The following UNC5C variants were observed in gnomAD, a reference collection of about 807,000 sequenced individuals.
UNC5C encodes the protein unc-5 netrin receptor C, also known as netrin receptor UNC5C.
In UNC5C, 47 loss-of-function variants were observed where a neutral mutation model predicts 99.8. The ratio of observed to expected loss-of-function variants is 0.47; its 90% CI spans 0.37 to 0.60. The LOEUF (loss-of-function observed/expected upper bound fraction) is 0.60. Ranked by LOEUF, UNC5C falls within the 20% of genes least tolerant of loss-of-function variation. The probability of loss-of-function intolerance (pLI) is 0.00; values close to 1 mark genes in which losing one functional copy is unlikely to be tolerated. For synonymous variants in UNC5C, 487 were observed against 452.2 expected, an observed-to-expected ratio of 1.08 and a Z score of -0.98; for missense variants, 1,062 against 1,165.9, an observed-to-expected ratio of 0.91 and a Z score of 1.30.
At chr4:95,502,685 T>G (rs1238442201) in intron 1 of UNC5C, among the ~76,000 whole-genome samples, 4 of 152,178 alleles carry the variant, frequency 2.6e-5, no homozygotes, top group Non-Finnish European at 5.9e-5. Flanking sequence ...AAGCACTCAG[T>G]ACATGTCAGT....
intron 1 of UNC5C, among the ~76,000 whole-genome samples, chr4:95,438,535 A>T (rs1252120427): frequency 6.6e-6 from 1 of 152,156 alleles, no homozygotes; most frequent in African/African-American, 2.4e-5. Context: ...TTTGGTTTGC[A>T]AAAAATGTTT....
At chr4:95,488,626 C>G (rs1721392682) in intron 1 of UNC5C, among the ~76,000 whole-genome samples, 1 of 151,722 alleles carries the variant, frequency 6.6e-6, no homozygotes, top group African/African-American at 2.4e-5. Flanking sequence ...CAAATTCTAC[C>G]ATTAACAACA....
intron 4 of UNC5C, among the ~76,000 whole-genome samples, chr4:95,253,236 C>T (rs889861839): frequency 5.9e-5 from 9 of 152,084 alleles, no homozygotes; most frequent in East Asian, 1.9e-4. Context: ...TTCAAAACTA[C>T]GGTTCCTCCT....
At position 95,487,142 on chromosome 4, in the gene UNC5C, G is replaced by A. The variant is rs182518411; in HGVS notation, c.124+61592C>T. Among the ~76,000 whole-genome samples the A allele has an allele frequency of 9.9e-5, 15 of 151,770 alleles. No homozygotes were observed. In the East Asian group the frequency reaches 2.9e-3, roughly 30 times the overall value. ...GTTCACTATAAATTACCCATTCTGTGGTATTCTGTTATAGCAGCAGAGACT... is the reference window on the plus strand; with the variant it reads ...GTTCACTATAAATTACCCATTCTGTAGTATTCTGTTATAGCAGCAGAGACT... On this transcript the variant is annotated intron_variant, in intron 1 of 15. Transcript: ENST00000453304.
rs546380408 is a variant in UNC5C at position 95,520,193 on chromosome 4, A to C, written c.124+28541T>G. 2.0e-5 allele frequency among the ~76,000 whole-genome samples: 3 copies of C among 152,296 alleles called. No homozygotes were observed. The South Asian group carries it at 6.2e-4, about 32-fold the overall frequency. On this transcript the variant is annotated intron_variant, in intron 1 of 15. Transcript: ENST00000453304. ...TCTAGATCTTTCTACAGATCATATCACCTCTAAAAATAGAATATAAAATAT... is the reference window on the plus strand; with the variant it reads ...TCTAGATCTTTCTACAGATCATATCCCCTCTAAAAATAGAATATAAAATAT...
chr4:95,204,240 A>G (rs2149361221), intron 11 of UNC5C, among the ~76,000 whole-genome samples: 1 of 152,366 alleles, frequency 6.6e-6, no homozygotes, highest in African/African-American at 2.4e-5. Context: ...TTTATTTTAA[A>G]AAATAGTTAC....
chr4:95,441,787 A>G (rs1746959125), intron 1 of UNC5C, among the ~76,000 whole-genome samples: 1 of 152,220 alleles, frequency 6.6e-6, no homozygotes, highest in Non-Finnish European at 1.5e-5. Flanking sequence ...TGACTTACCT[A>G]ACTAAGGCAA....
At chr4:95,386,013 G>C (rs1441281460) in intron 1 of UNC5C, among the ~76,000 whole-genome samples, 2 of 152,102 alleles carry the variant, frequency 1.3e-5, no homozygotes, top group South Asian at 4.1e-4. Flanking sequence ...TCTCCTCAAA[G>C]TGTCTGTTAA....
At chr4:95,507,183 A>C (rs753850989) in intron 1 of UNC5C, among the ~76,000 whole-genome samples, 21 of 152,112 alleles carry the variant, frequency 1.4e-4, no homozygotes, top group Middle Eastern at 6.8e-3. Context: ...TGGGAGAATA[A>C]TCATTTTCAA....
chr4:95,281,386 C>T (rs1288954907), intron 3 of UNC5C, among the ~76,000 whole-genome samples: 1 of 152,074 alleles, frequency 6.6e-6, no homozygotes, highest in African/African-American at 2.4e-5. Context: ...TTATGAAAAG[C>T]CTTTCTGTCA....
chr4:95,262,722 T>C (rs1400710434), intron 4 of UNC5C, among the ~76,000 whole-genome samples: 1 of 152,218 alleles, frequency 6.6e-6, no homozygotes, highest in East Asian at 1.9e-4. Context: ...TGGAAATTTT[T>C]ATGCCTAAAA....
chr4:95,527,916 TA>T (rs1179353857), intron 1 of UNC5C, among the ~76,000 whole-genome samples: 4 of 152,132 alleles, frequency 2.6e-5, no homozygotes, highest in Non-Finnish European at 4.4e-5. Flanking sequence ...TTCCTATTCC[TA>T]AAACTAGAAA....
chr4:95,469,336 CT>C (rs1747894271), intron 1 of UNC5C, among the ~76,000 whole-genome samples: 2 of 152,248 alleles, frequency 1.3e-5, no homozygotes, highest in African/African-American at 4.8e-5. Context: ...TCGAACCATC[CT>C]TTGCTGGTAT....
At chr4:95,516,128 T>C (rs1280137192) in intron 1 of UNC5C, among the ~76,000 whole-genome samples, 3 of 152,232 alleles carry the variant, frequency 2.0e-5, no homozygotes, top group African/African-American at 4.8e-5. Flanking sequence ...AGTAATATGG[T>C]AGTAATGTTT....
chr4:95,463,199 T>C lies in UNC5C; in HGVS notation c.124+85535A>G, dbSNP rs558991353. Among the ~76,000 whole-genome samples the C allele has an allele frequency of 1.5e-4, 23 of 152,112 alleles. No individual in the cohort carries two copies. In the South Asian group the frequency reaches 4.4e-3, roughly 29 times the overall value. ...GATTGGAGTGTCAGCCAGGCTGCAG[T>C]GCCTAACTGTGACCTACACCCGCAG... On this transcript the variant is annotated intron_variant, in intron 1 of 15. Coordinates refer to ENST00000453304, the MANE Select transcript of UNC5C (RefSeq NM_003728.4).
At chr4:95,226,479 T>A (rs1738694478) in intron 7 of UNC5C, among the ~76,000 whole-genome samples, 1 of 152,176 alleles carries the variant, frequency 6.6e-6, no homozygotes, top group Non-Finnish European at 1.5e-5. Flanking sequence ...TAAGGTATAC[T>A]AAGATGCTGG....
intron 1 of UNC5C, among the ~76,000 whole-genome samples, chr4:95,387,705 AT>A (rs1340585248): frequency 6.6e-6 from 1 of 152,106 alleles, no homozygotes; most frequent in Non-Finnish European, 1.5e-5. Flanking sequence ...ACAAAGTAAG[AT>A]TTTTTTCTTT....
intron 12 of UNC5C, among the ~76,000 whole-genome samples, chr4:95,200,986 A>AAGAG (rs1737632451): frequency 6.6e-6 from 1 of 152,164 alleles, no homozygotes; most frequent in African/African-American, 2.4e-5. Flanking sequence ...GTAGCCTTGT[A>AAGAG]AGAGAGATCC....
intron 3 of UNC5C, among the ~76,000 whole-genome samples, chr4:95,280,897 A>G (rs911775591): frequency 6.6e-6 from 1 of 151,942 alleles, no homozygotes; most frequent in Non-Finnish European, 1.5e-5. Context: ...ATCCCCCGAC[A>G]TCTCTTTTGG....
Sources: gnomAD v4.1 joint callset for allele counts (sites outside exome capture counted in the v4.1 genomes callset) on GRCh38, gnomAD v4.1.1 for gene constraint, MANE v1.5 for transcripts, NCBI Gene and HGNC (gene_info 2026-07-23, HGNC 2026-07-21) for gene names.